The following ARHGEF28 variants were observed in gnomAD, a reference collection of about 807,000 sequenced individuals.
The protein encoded by ARHGEF28 is 190 kDa guanine nucleotide exchange factor.
A neutral mutation model predicts 206.6 loss-of-function variants in ARHGEF28; 152 were observed. That is an observed-to-expected ratio of 0.74 (90% confidence interval 0.64 to 0.84). The LOEUF (loss-of-function observed/expected upper bound fraction) is 0.84. Ranked by LOEUF, ARHGEF28 falls within the 40% of genes least tolerant of loss-of-function variation. The pLI, the probability that ARHGEF28 is intolerant of heterozygous loss-of-function variation, is 0.00. For missense variants in ARHGEF28, 2,028 were observed against 2,073.2 expected (o/e 0.98, Z 0.42); for synonymous variants, 763 against 776.4 (o/e 0.98, Z 0.29).
chr5:73,912,384 T>C (rs112553479), intron 35 of ARHGEF28, among the ~76,000 whole-genome samples: 88 of 152,330 alleles, frequency 5.8e-4, no homozygotes, highest in Non-Finnish European at 1.2e-3. Context: ...AGCAGTAGTA[T>C]AGAAGTCTTC....
At chr5:73,866,475 A>C (rs1759715173) in intron 18 of ARHGEF28, among the ~76,000 whole-genome samples, 1 of 152,212 alleles carries the variant, frequency 6.6e-6, no homozygotes, top group African/African-American at 2.4e-5. Context: ...TGATGGAAAA[A>C]GTCTTCAAAT....
rs144907907 is a variant in ARHGEF28 at position 73,715,869 on chromosome 5, C to A, written c.33+30985C>A. Among the ~76,000 whole-genome samples, 670 of 152,284 alleles carry A rather than the reference C, an allele frequency of 4.4e-3. 5 individuals are homozygous for A. The highest frequency in any genetic ancestry group is 0.016 in the African/African-American group (650 of 41,566). ...TTCCATGTCATTTCTTTGCATCTGGCTTTGCAAAGAAGGCTTGCCTACAAC... is the reference window on the plus strand; with the variant it reads ...TTCCATGTCATTTCTTTGCATCTGGATTTGCAAAGAAGGCTTGCCTACAAC... On this transcript the variant is annotated intron_variant, in intron 2 of 35. Coordinates refer to ENST00000513042, the MANE Select transcript of ARHGEF28 (RefSeq NM_001177693.2).
intron 1 of ARHGEF28, among the ~76,000 whole-genome samples, chr5:73,671,159 G>A (rs1746278649): frequency 6.6e-6 from 1 of 152,132 alleles, no homozygotes; most frequent in Non-Finnish European, 1.5e-5. Context: ...CTTAATTAAT[G>A]TTGCATTAAT....
At chr5:73,911,038 C>A (rs543610155) in intron 34 of ARHGEF28, among the ~76,000 whole-genome samples, 1 of 152,228 alleles carries the variant, frequency 6.6e-6, no homozygotes, top group East Asian at 1.9e-4. Flanking sequence ...ACTTTAATGT[C>A]ATAGAGTGCC....
rs142199567 is a variant in ARHGEF28 at position 73,884,136 on chromosome 5, C to A, written c.3055+252C>A. ...TTCTTCTTACTTTGAACCTGCCTTT[C>A]TTCTCTTTATTTTCCCCACCACTGG... On this transcript the variant is annotated intron_variant, in intron 24 of 35. Transcript: ENST00000513042. Among the ~76,000 whole-genome samples, 1,463 of 152,296 alleles carry A rather than the reference C, an allele frequency of 9.6e-3. 74 individuals are homozygous for A. Among genetic ancestry groups the A allele is most frequent in the Admixed American group, 0.081 (1,236 of 15,290 alleles).
chr5:73,794,584 T>A, intron 8 of ARHGEF28, 130 bp downstream of exon 8: 1 of 780,098 alleles, frequency 1.3e-6, no homozygotes, highest in Non-Finnish European at 2.0e-6. Flanking sequence ...CAGAATAATG[T>A]GAAATTCTGT....
At chr5:73,894,862 A>G (rs934771416) in intron 29 of ARHGEF28, among the ~76,000 whole-genome samples, 1 of 152,196 alleles carries the variant, frequency 6.6e-6, no homozygotes, top group Non-Finnish European at 1.5e-5. Flanking sequence ...CCTCTTTGAT[A>G]TAATGATATG....
intron 31 of ARHGEF28, chr5:73,902,509 A>G (rs1449042243): frequency 6.6e-6 from 1 of 152,174 alleles, no homozygotes; most frequent in African/African-American, 2.4e-5. Flanking sequence ...GCTATCTGCA[A>G]AATTTTTTGC....
chr5:73,918,179 G>A (rs545704391), intron 35 of ARHGEF28, among the ~76,000 whole-genome samples: 6 of 152,158 alleles, frequency 3.9e-5, no homozygotes, highest in Non-Finnish European at 5.9e-5. Flanking sequence ...GGGGTGGCAC[G>A]CTTTTCCTTA....
At chr5:73,776,440 C>T (rs1753545876) in intron 5 of ARHGEF28, 76 bp from the exon 6 acceptor site, 1 of 1,317,838 alleles carries the variant, frequency 7.6e-7, no homozygotes, top group Non-Finnish European at 1.0e-6. Flanking sequence ...AGATCAGGGG[C>T]AGTGATCCTA....
chr5:73,880,487 G>C (rs1019514419), intron 22 of ARHGEF28, among the ~76,000 whole-genome samples: 2 of 152,198 alleles, frequency 1.3e-5, no homozygotes, highest in Admixed American at 1.3e-4. Flanking sequence ...CGGTACCTCA[G>C]ATGGAAATGC....
chr5:73,686,715 G>A (rs1445073569), intron 2 of ARHGEF28, among the ~76,000 whole-genome samples: 1 of 151,640 alleles, frequency 6.6e-6, no homozygotes, highest in Non-Finnish European at 1.5e-5. Flanking sequence ...GTACAGACAG[G>A]GTTTCACCGT....
At chr5:73,690,556 C>T (rs946520015) in intron 2 of ARHGEF28, among the ~76,000 whole-genome samples, 4 of 139,942 alleles carry the variant, frequency 2.9e-5, no homozygotes, top group Admixed American at 2.1e-4. Flanking sequence ...AAAAAAGCCA[C>T]GTGTGGTGGC....
intron 20 of ARHGEF28, among the ~76,000 whole-genome samples, chr5:73,869,222 T>TGGGGGGGGGG (rs67692648): frequency 2.0e-5 from 2 of 99,224 alleles, no homozygotes; most frequent in East Asian, 3.3e-4. Context: ...GTGTGTGGGG[T>TGGGGGGGGGG]GGAGGGGGGT....
chr5:73,675,996 G>A (rs927761887), intron 1 of ARHGEF28, among the ~76,000 whole-genome samples: 7 of 151,620 alleles, frequency 4.6e-5, no homozygotes, highest in Admixed American at 2.6e-4. Flanking sequence ...TTAAGGAGGG[G>A]GGTGTGAAAT....
At chr5:73,655,690 A>C (rs779705005) in intron 1 of ARHGEF28, among the ~76,000 whole-genome samples, 1 of 152,208 alleles carries the variant, frequency 6.6e-6, no homozygotes, top group Non-Finnish European at 1.5e-5. Flanking sequence ...CCAAGTCACG[A>C]GGCACAGCAG....
intron 14 of ARHGEF28, 113 bp downstream of exon 14, chr5:73,852,805 A>C: frequency 1.8e-6 from 2 of 1,107,794 alleles, no homozygotes; most frequent in South Asian, 2.5e-5. Context: ...CCATGTAACA[A>C]GCCTGCCTAA....
At chr5:73,727,360 G>T (rs1182826205) in intron 2 of ARHGEF28, among the ~76,000 whole-genome samples, 1 of 152,168 alleles carries the variant, frequency 6.6e-6, no homozygotes, top group Admixed American at 6.5e-5. Flanking sequence ...CTTTCACTTT[G>T]TGCTTTTGTG....
chr5:73,886,118 A>G lies in ARHGEF28; in HGVS notation c.3310+14A>G, dbSNP rs747047594. The G allele has an allele frequency of 1.9e-6, 3 of 1,594,630 alleles. No homozygotes were observed. In the East Asian group the frequency reaches 6.7e-5, roughly 36 times the overall value. The stretch of plus-strand genomic sequence containing the variant: ...GTCGTTTCAAAGGTACTGTGGCTCT[A>G]CCAGACCAATTTCTCCCTTCATACA... On this transcript the variant is annotated intron_variant, in intron 25 of 35. Coordinates refer to ENST00000513042, the MANE Select transcript of ARHGEF28 (RefSeq NM_001177693.2).
Sources: gnomAD v4.1 joint callset for allele counts (sites outside exome capture counted in the v4.1 genomes callset) on GRCh38, gnomAD v4.1.1 for gene constraint, MANE v1.5 for transcripts, NCBI Gene and HGNC (gene_info 2026-07-23, HGNC 2026-07-21) for gene names.